Variants in CYP20A1 observed in about 807,000 individuals in gnomAD.
CYP20A1 encodes cytochrome P450 20A1.
A neutral mutation model predicts 61.4 loss-of-function variants in CYP20A1; 61 were observed. The observed-to-expected ratio is 0.99, with a 90% CI of 0.81 to 1.23. The LOEUF (loss-of-function observed/expected upper bound fraction) is 1.23. Ranked by LOEUF, CYP20A1 falls within the 50% of genes most tolerant of loss-of-function variation. CYP20A1 has a pLI of 0.00. For synonymous variants in CYP20A1, 193 were observed against 188.2 expected, an observed-to-expected ratio of 1.03 and a Z score of -0.21; for missense variants, 530 against 542.4, an observed-to-expected ratio of 0.98 and a Z score of 0.23.
chr2:203,273,489 G>A (rs941538382), intron 6 of CYP20A1, among the ~76,000 whole-genome samples: 16 of 152,122 alleles, frequency 1.1e-4, no homozygotes, highest in Non-Finnish European at 1.6e-4. Flanking sequence ...ATGTCAACAT[G>A]ATTAAATATT....
At chr2:203,282,334 C>CT (rs956413918) in intron 8 of CYP20A1, among the ~76,000 whole-genome samples, 21 of 152,070 alleles carry the variant, frequency 1.4e-4, no homozygotes, top group African/African-American at 4.6e-4. Context: ...CTTATTCAAC[C>CT]TTTTTTTAAA....
intron 4 of CYP20A1, among the ~76,000 whole-genome samples, chr2:203,257,187 G>A (rs1043825783): frequency 6.6e-6 from 1 of 151,836 alleles, no homozygotes; most frequent in Non-Finnish European, 1.5e-5. Context: ...GCATGGTGGT[G>A]TATGCCTGTG....
Position 203,297,097 on chromosome 2 carries a change from AC to A in CYP20A1, c.*190del. On this transcript the variant is annotated 3_prime_UTR_variant, in exon 13 of 13. Coordinates refer to ENST00000356079, the MANE Select transcript of CYP20A1 (RefSeq NM_177538.3). The stretch of plus-strand genomic sequence containing the variant: ...TCATTGTACACATTTGACTTACTGC[AC>A]AGTATATTGATCATTTTAATGGGAA... The A allele has an allele frequency of 2.4e-6, 1 of 425,122 alleles. No homozygotes were observed. Among genetic ancestry groups the A allele is most frequent in the Non-Finnish European group, 4.1e-6 (1 of 242,444 alleles). 26.3% of individuals were successfully genotyped at this position (425,122 alleles called of 1,614,324 possible).
chr2:203,252,811 G>A (rs796836066), intron 4 of CYP20A1, among the ~76,000 whole-genome samples: 2 of 152,088 alleles, frequency 1.3e-5, no homozygotes, highest in African/African-American at 2.4e-5. Context: ...CACAGTCCAC[G>A]CTAAGAGATC....
At chr2:203,259,963 G>A (rs1267867679) in intron 4 of CYP20A1, 1 of 151,356 alleles carries the variant, frequency 6.6e-6, no homozygotes, top group Non-Finnish European at 1.5e-5. Context: ...GTCTCACTCT[G>A]TCATCCAGGC....
intron 1 of CYP20A1, 146 bp downstream of exon 1, chr2:203,239,280 C>G (rs1045655200): frequency 1.4e-6 from 1 of 695,048 alleles, no homozygotes; most frequent in Non-Finnish European, 2.5e-6. Context: ...AGCGCGGGGA[C>G]CGCACCCGGA....
At chr2:203,253,208 C>G (rs796430044) in intron 4 of CYP20A1, among the ~76,000 whole-genome samples, 1 of 152,186 alleles carries the variant, frequency 6.6e-6, no homozygotes, top group Non-Finnish European at 1.5e-5. Context: ...GCCCCAAAAC[C>G]TTACTGCGGT....
Position 203,300,541 on chromosome 2 carries a change from A to G in CYP20A1, c.*3633A>G, listed in dbSNP as rs75712716. Among the ~76,000 whole-genome samples the G allele has an allele frequency of 0.01, 1,577 of 152,310 alleles. 29 individuals carry two copies. Among genetic ancestry groups the G allele is most frequent in the African/African-American group, 0.036 (1,484 of 41,554 alleles). ...GTAGCTTTTGGAGTTTTTAAAAACTACTTCAGTGATTTTGATTTATATTCT... is the reference window on the plus strand; with the variant it reads ...GTAGCTTTTGGAGTTTTTAAAAACTGCTTCAGTGATTTTGATTTATATTCT... On this transcript the variant is annotated 3_prime_UTR_variant, in exon 13 of 13. Transcript: ENST00000356079.
chr2:203,275,473 T>C (rs973741835), intron 6 of CYP20A1, among the ~76,000 whole-genome samples: 6 of 152,080 alleles, frequency 3.9e-5, no homozygotes, highest in Non-Finnish European at 1.5e-5. Flanking sequence ...CTCGCTCTAT[T>C]GCCCAGGCTG....
Position 203,291,239 on chromosome 2 carries a change from G to A in CYP20A1, c.1084-1023G>A, listed in dbSNP as rs112237857. The stretch of plus-strand genomic sequence containing the variant: ...TTTTATAAAGACAGAGTCTCACTAT[G>A]TTGTCCAGGCTGATATGGAACTCCT... On this transcript the variant is annotated intron_variant, in intron 10 of 12. Coordinates refer to ENST00000356079, the MANE Select transcript of CYP20A1 (RefSeq NM_177538.3). Among the ~76,000 whole-genome samples, 112 of 152,092 alleles carry A rather than the reference G, an allele frequency of 7.4e-4. 2 individuals are homozygous for A. The highest frequency in any genetic ancestry group is 3.4e-3 in the Middle Eastern group (1 of 294).
chr2:203,271,302 A>G (rs1057071124), intron 5 of CYP20A1, among the ~76,000 whole-genome samples: 2 of 149,838 alleles, frequency 1.3e-5, no homozygotes, highest in African/African-American at 4.9e-5. Context: ...GTTGGCCAGG[A>G]TGGTCTTGAA....
intron 8 of CYP20A1, among the ~76,000 whole-genome samples, chr2:203,285,004 C>T (rs903627243): frequency 1.3e-5 from 2 of 151,942 alleles, no homozygotes; most frequent in African/African-American, 4.8e-5. Context: ...CTTCAGATTC[C>T]CTCCCAAAGT....
Position 203,241,134 on chromosome 2 carries a change from C to T in CYP20A1, c.72+2000C>T, listed in dbSNP as rs75175926. Among the ~76,000 whole-genome samples the T allele has an allele frequency of 6.8e-3, 1,042 of 152,202 alleles. 3 individuals are homozygous for T. Among genetic ancestry groups the T allele is most frequent in the Non-Finnish European group, 0.012 (813 of 68,010 alleles). On this transcript the variant is annotated intron_variant, in intron 1 of 12. Transcript: ENST00000356079. Reference sequence around the variant, plus strand: ...GAAAGAGAGGCATCAAGGAAAACACCAGTTATTTTTAGCCTGGTATCTGGA... The same window carrying T: ...GAAAGAGAGGCATCAAGGAAAACACTAGTTATTTTTAGCCTGGTATCTGGA...
chr2:203,276,774 A>T (rs540225134), intron 6 of CYP20A1, among the ~76,000 whole-genome samples: 13 of 152,302 alleles, frequency 8.5e-5, no homozygotes, highest in African/African-American at 3.1e-4. Flanking sequence ...AGTTAGATAC[A>T]TGAGTCTGGA....
chr2:203,277,475 G>A (rs564206761), intron 6 of CYP20A1, among the ~76,000 whole-genome samples: 104 of 152,022 alleles, frequency 6.8e-4, no homozygotes, highest in African/African-American at 2.4e-3. Flanking sequence ...TTGGATATCA[G>A]TTATTGATAT....
intron 4 of CYP20A1, among the ~76,000 whole-genome samples, chr2:203,258,546 TCTG>T (rs1001435512): frequency 6.6e-6 from 1 of 152,204 alleles, no homozygotes; most frequent in African/African-American, 2.4e-5. Flanking sequence ...TCTGCACACT[TCTG>T]CTTCTAAAAA....
At chr2:203,270,736 C>CTT (rs551427259) in intron 5 of CYP20A1, among the ~76,000 whole-genome samples, 7 of 127,958 alleles carry the variant, frequency 5.5e-5, no homozygotes, top group Non-Finnish European at 8.4e-5. Flanking sequence ...TTTTTTTTTT[C>CTT]TTTTTTTTTT....
rs763764173 is a variant in CYP20A1 at position 203,301,914 on chromosome 2, CTTTTTTTTTTTTT to C, written c.*5016_*5028del. On this transcript the variant is annotated 3_prime_UTR_variant, in exon 13 of 13. Coordinates refer to ENST00000356079, the MANE Select transcript of CYP20A1 (RefSeq NM_177538.3). ...TTTGAAGTTAACCACTGTTAAGATTCTTTTTTTTTTTTTTTTTTTTTTGTTTTGAGACTGAGTC... is the reference window on the plus strand; with the variant it reads ...TTTGAAGTTAACCACTGTTAAGATTCTTTTTTTTTGTTTTGAGACTGAGTC... Among the ~76,000 whole-genome samples, 1 of 103,550 alleles carries C rather than the reference CTTTTTTTTTTTTT, an allele frequency of 9.7e-6. No individual in the cohort carries two copies. Among genetic ancestry groups the C allele is most frequent in the African/African-American group, 3.7e-5 (1 of 26,716 alleles). The allele number at this position is 103,550 out of a possible 152,430, so 67.9% of individuals were successfully genotyped here.
At chr2:203,258,005 G>GCTCAAGTGCAGTGTCACAAT (rs1455916330) in intron 4 of CYP20A1, among the ~76,000 whole-genome samples, 1 of 151,752 alleles carries the variant, frequency 6.6e-6, no homozygotes. Context: ...GGGCTGAAGG[G>GCTCAAGTGCAGTGTCACAAT]ATCCTCCTGC....
Sources: allele counts gnomAD v4.1 joint callset (sites outside exome capture counted in the v4.1 genomes callset), GRCh38; gene constraint gnomAD v4.1.1; transcripts MANE v1.5; gene names NCBI Gene and HGNC (gene_info 2026-07-23, HGNC 2026-07-21).